Variants in CLNK observed in about 807,000 individuals in gnomAD.
The protein encoded by CLNK is cytokine dependent hematopoietic cell linker.
A neutral mutation model predicts 68.6 loss-of-function variants in CLNK; 74 were observed. That is an observed-to-expected ratio of 1.08 (90% CI 0.89 to 1.31). The LOEUF (loss-of-function observed/expected upper bound fraction) is 1.31. Ranked by LOEUF, CLNK falls within the 50% of genes most tolerant of loss-of-function variation. The pLI is 0.00. For missense variants in CLNK, 553 were observed against 515.3 expected (o/e 1.07, Z -0.71); for synonymous variants, 198 against 172.2 (o/e 1.15, Z -1.17).
chr4:10,579,787 C>T (rs1228774860), intron 4 of CLNK, among the ~76,000 whole-genome samples: 1 of 152,114 alleles, frequency 6.6e-6, no homozygotes, highest in Non-Finnish European at 1.5e-5. Context: ...ACATGGCCAC[C>T]CCCACATATC....
At chr4:10,524,128 T>C (rs79689057) in intron 14 of CLNK, among the ~76,000 whole-genome samples, 7,589 of 149,640 alleles carry the variant, frequency 0.051, 470 homozygotes, top group African/African-American at 0.14. Flanking sequence ...GATGATATTG[T>C]GGTATGGGGA....
At chr4:10,684,384 C>T (rs1725192394) in intron 1 of CLNK, among the ~76,000 whole-genome samples, 1 of 152,116 alleles carries the variant, frequency 6.6e-6, no homozygotes, top group Non-Finnish European at 1.5e-5. Flanking sequence ...ATTTCAGTTG[C>T]AAACAGTCGG....
chr4:10,598,462 A>C (rs1721466607), intron 2 of CLNK, among the ~76,000 whole-genome samples: 1 of 152,222 alleles, frequency 6.6e-6, no homozygotes, highest in Non-Finnish European at 1.5e-5. Flanking sequence ...GAGGGACAGC[A>C]ACCGTGAGCC....
At chr4:10,576,650 C>CCAA (rs1424073315) in intron 4 of CLNK, among the ~76,000 whole-genome samples, 4 of 152,140 alleles carry the variant, frequency 2.6e-5, no homozygotes, top group African/African-American at 9.7e-5. Flanking sequence ...CAATACCTGT[C>CCAA]CAACTGAGGT....
chr4:10,602,136 TG>T (rs1367862521), intron 2 of CLNK, among the ~76,000 whole-genome samples: 17 of 152,204 alleles, frequency 1.1e-4, no homozygotes, highest in Admixed American at 6.5e-5. Context: ...ATCTCCCTCC[TG>T]CATGACCAGT....
intron 2 of CLNK, among the ~76,000 whole-genome samples, chr4:10,638,829 T>C (rs1723194820): frequency 1.3e-5 from 2 of 152,182 alleles, no homozygotes; most frequent in Non-Finnish European, 2.9e-5. Context: ...GCCATTCTCT[T>C]TGGCTTGTAG....
intron 2 of CLNK, among the ~76,000 whole-genome samples, chr4:10,664,240 A>T (rs75465967): frequency 0.27 from 40,880 of 152,066 alleles, 5,838 homozygotes; most frequent in Admixed American, 0.32. Context: ...AAAAAAAAAA[A>T]AGGAATGATG....
intron 1 of CLNK, among the ~76,000 whole-genome samples, chr4:10,670,069 A>C (rs1453179244): frequency 6.6e-6 from 1 of 152,204 alleles, no homozygotes; most frequent in African/African-American, 2.4e-5. Flanking sequence ...CTAGTTTATA[A>C]ATAGTAGTAT....
chr4:10,559,508 A>G (rs1719807497), intron 7 of CLNK, among the ~76,000 whole-genome samples: 1 of 152,096 alleles, frequency 6.6e-6, no homozygotes, highest in Non-Finnish European at 1.5e-5. Context: ...GTGCACGCTC[A>G]TCTTTTAATC....
At chr4:10,586,730 T>C (rs1720983872) in intron 3 of CLNK, among the ~76,000 whole-genome samples, 3 of 152,218 alleles carry the variant, frequency 2.0e-5, no homozygotes, top group South Asian at 2.1e-4. Context: ...CACCAATTTA[T>C]ATTAATTGAT....
chr4:10,565,920 T>A, intron 6 of CLNK, 89 bp downstream of exon 6: 1 of 1,426,744 alleles, frequency 7.0e-7, no homozygotes, highest in Non-Finnish European at 9.5e-7. Context: ...CCTAGGGTTG[T>A]TTAATTCAGA....
At chr4:10,625,224 C>A (rs547498618) in intron 2 of CLNK, among the ~76,000 whole-genome samples, 9 of 152,146 alleles carry the variant, frequency 5.9e-5, no homozygotes, top group Admixed American at 2.6e-4. Flanking sequence ...AAGATTTGAG[C>A]CTTGCTGTGA....
At chr4:10,513,699 G>A (rs1257435081) in intron 15 of CLNK, 102 bp from the exon 16 acceptor site, 10 of 1,159,858 alleles carry the variant, frequency 8.6e-6, no homozygotes, top group African/African-American at 1.6e-5. Context: ...TCCTATATCT[G>A]TGAGGACCTT....
intron 17 of CLNK, 25 bp from the exon 18 acceptor site, chr4:10,501,436 T>G: frequency 6.2e-7 from 1 of 1,601,530 alleles, no homozygotes; most frequent in Non-Finnish European, 8.5e-7. Context: ...GTAACAGTCA[T>G]CTTTTCAGAC....
intron 8 of CLNK, among the ~76,000 whole-genome samples, chr4:10,551,901 G>A (rs1434025311): frequency 2.0e-5 from 3 of 150,040 alleles, no homozygotes; most frequent in African/African-American, 7.4e-5. Flanking sequence ...AGGCTGGAGT[G>A]TAGGGGCATG....
chr4:10,521,471 T>G lies in CLNK; in HGVS notation c.732-640A>C, dbSNP rs897138384. Among the ~76,000 whole-genome samples the G allele has an allele frequency of 4.1e-4, 62 of 152,356 alleles. 1 individual carries two copies. Among genetic ancestry groups the G allele is most frequent in the African/African-American group, 1.4e-3 (60 of 41,588 alleles). The stretch of plus-strand genomic sequence containing the variant: ...GGTTCATTTTGTATTGTGGTCAGTA[T>G]CATCAACATAAGCTCCAGGTGCTAC... On this transcript the variant is annotated intron_variant, in intron 14 of 18. Coordinates refer to ENST00000226951, the MANE Select transcript of CLNK (RefSeq NM_052964.4).
intron 2 of CLNK, among the ~76,000 whole-genome samples, chr4:10,665,443 A>G (rs1724355999): frequency 6.6e-6 from 1 of 152,102 alleles, no homozygotes; most frequent in African/African-American, 2.4e-5. Context: ...AGGCTGGCGG[A>G]TCATGAGGTC....
At chr4:10,718,828 G>A in the CLNK span, among the ~76,000 whole-genome samples, 122 of 151,990 alleles carry the variant, frequency 8.0e-4, no homozygotes, top group Admixed American at 1.1e-3. Context: ...ATTACAACCC[G>A]TCTAATATGT....
At chr4:10,582,944 CCTG>C (rs1454043138) in intron 4 of CLNK, among the ~76,000 whole-genome samples, 1 of 152,134 alleles carries the variant, frequency 6.6e-6, no homozygotes, top group Non-Finnish European at 1.5e-5. Context: ...CTATTTTTTA[CCTG>C]CTTTTTCACA....
Sources: gnomAD v4.1 joint callset for allele counts (sites outside exome capture counted in the v4.1 genomes callset) on GRCh38, gnomAD v4.1.1 for gene constraint, MANE v1.5 for transcripts, NCBI Gene and HGNC (gene_info 2026-07-23, HGNC 2026-07-21) for gene names.